COL5A1: variants seen among roughly 807,000 people sequenced by gnomAD.
The protein encoded by COL5A1 is collagen alpha-1(V) chain.
A neutral mutation model predicts 263.7 loss-of-function variants in COL5A1; 16 were observed. That is an observed-to-expected ratio of 0.06 (90% CI 0.04 to 0.09). The LOEUF is 0.09. Among genes scored for constraint, COL5A1 ranks in the 10% least tolerant of loss-of-function variants. The pLI, the probability that COL5A1 is intolerant of heterozygous loss-of-function variation, is 1.00. For missense variants in COL5A1, 2,036 were observed against 2,540.5 expected, an observed-to-expected ratio of 0.80 and a Z score of 4.27; for synonymous variants, 1,012 against 1,004.5, an observed-to-expected ratio of 1.01 and a Z score of -0.14.
At chr9:134,694,488 CA>C (rs1331633644) in intron 2 of COL5A1, among the ~76,000 whole-genome samples, 1 of 152,236 alleles carries the variant, frequency 6.6e-6, no homozygotes, top group Non-Finnish European at 1.5e-5. Context: ...CCACCCTCCT[CA>C]GGGGCACCGC....
At position 134,789,507 on chromosome 9, in the gene COL5A1, C is replaced by T. The variant is rs1053601825; in HGVS notation, c.2700+299C>T. On this transcript the variant is annotated intron_variant, in intron 32 of 65. Transcript: ENST00000371817. This position sits in a 1 kb window ranked among gnomAD's most constrained non-coding sequence, Gnocchi z 4.8. ...GGCTCTTTCAGGTCATTCTGAAAAT[C>T]AGATTCTTCTCCTCTACCCAAGTGG... 2.0e-5 allele frequency among the ~76,000 whole-genome samples: 3 copies of T among 152,336 alleles called. No homozygotes were observed. The highest frequency in any genetic ancestry group is 2.9e-5 in the Non-Finnish European group (2 of 68,020).
At position 134,727,199 on chromosome 9, in the gene COL5A1, G is replaced by C. The variant is rs2132632426; in HGVS notation, c.655-67G>C. On this transcript the variant is annotated intron_variant, in intron 4 of 65. Coordinates refer to ENST00000371817, the MANE Select transcript of COL5A1 (RefSeq NM_000093.5). ...TTCCCCTGCTTCAAGGCATGGGGCT[G>C]TGTCTCCCAGGTCCCCATGCGAGTG... 11 of 1,555,608 alleles carry C rather than the reference G, an allele frequency of 7.1e-6. No individual in the cohort carries two copies. The African/African-American group carries it at 9.5e-5, about 13-fold the overall frequency.
At chr9:134,788,583 G>A (rs1390546651) in intron 31 of COL5A1, among the ~76,000 whole-genome samples, 1 of 141,856 alleles carries the variant, frequency 7.0e-6, no homozygotes, top group Admixed American at 7.0e-5. Context: ...GTAGGTGGGT[G>A]GGTGGGTAGG....
chr9:134,800,303 C>T (rs1388959987), intron 37 of COL5A1, among the ~76,000 whole-genome samples: 3 of 152,188 alleles, frequency 2.0e-5, no homozygotes, highest in African/African-American at 7.2e-5. Flanking sequence ...AGCTCTTCTC[C>T]CCGGGTCCAC....
At chr9:134,772,696 C>G (rs139949887) in intron 25 of COL5A1, 94 bp from the exon 26 acceptor site, 1,183 of 1,288,622 alleles carry the variant, frequency 9.2e-4, no homozygotes, top group Non-Finnish European at 1.3e-3. Context: ...GGGAAATGGG[C>G]TCCATGATCA....
intron 4 of COL5A1, among the ~76,000 whole-genome samples, chr9:134,701,983 T>A (rs934846018): frequency 6.6e-6 from 1 of 152,062 alleles, no homozygotes; most frequent in Non-Finnish European, 1.5e-5. Context: ...AAGAAACAGG[T>A]TGAGAGCTTC....
At chr9:134,785,678 G>T (rs576783141) in intron 30 of COL5A1, among the ~76,000 whole-genome samples, 1 of 152,326 alleles carries the variant, frequency 6.6e-6, no homozygotes, top group East Asian at 1.9e-4. Context: ...GGGCTCAGAG[G>T]TGCCCCAGGA....
In COL5A1 at chr9:134,814,070, A is replaced by G. The variant is rs113940604; in HGVS notation, c.3906+34A>G. 3,350 of 1,548,258 alleles carry G rather than the reference A, an allele frequency of 2.2e-3. 54 individuals are homozygous for G. In the African/African-American group the frequency reaches 0.035, roughly 16 times the overall value. On this transcript the variant is annotated intron_variant, in intron 49 of 65. Coordinates refer to ENST00000371817, the MANE Select transcript of COL5A1 (RefSeq NM_000093.5). ...GCGGGCGCTGCGGGAGGGGTGGGAT[A>G]TGGCCGAGCGGGTGTGTGGACGGGG...
chr9:134,692,658 G>A (rs1233322505), intron 2 of COL5A1, among the ~76,000 whole-genome samples: 1 of 152,190 alleles, frequency 6.6e-6, no homozygotes, highest in Non-Finnish European at 1.5e-5. Flanking sequence ...AATCTTCTCT[G>A]TGTCACCCAA....
At chr9:134,669,759 C>G (rs1320358869) in intron 1 of COL5A1, among the ~76,000 whole-genome samples, 3 of 152,142 alleles carry the variant, frequency 2.0e-5, no homozygotes, top group Non-Finnish European at 4.4e-5. Context: ...AACCCTGGCT[C>G]TCCGCAGAGG....
At chr9:134,775,846 A>G (rs939080469) in intron 27 of COL5A1, among the ~76,000 whole-genome samples, 4 of 152,178 alleles carry the variant, frequency 2.6e-5, no homozygotes, top group Non-Finnish European at 4.4e-5. Flanking sequence ...GAAGGGCTTT[A>G]TGCTTTTCAA....
intron 18 of COL5A1, among the ~76,000 whole-genome samples, chr9:134,760,634 C>A (rs1214610005): frequency 1.6e-5 from 2 of 128,440 alleles, no homozygotes; most frequent in Non-Finnish European, 3.2e-5. Flanking sequence ...CACACACCCC[C>A]ACACTCATAC....
intron 65 of COL5A1, among the ~76,000 whole-genome samples, chr9:134,837,493 C>T (rs982669710): frequency 6.6e-6 from 1 of 152,026 alleles, no homozygotes; most frequent in African/African-American, 2.4e-5. Flanking sequence ...CATCCCAGTT[C>T]CTCTTGAAGC....
chr9:134,838,600 C>T (rs1259022778), intron 65 of COL5A1, among the ~76,000 whole-genome samples: 1 of 152,212 alleles, frequency 6.6e-6, no homozygotes, highest in Non-Finnish European at 1.5e-5. Context: ...CCCCCTTCCC[C>T]ATGGCAGGCG....
Position 134,814,827 on chromosome 9 carries a change from G to A in COL5A1, c.3937G>A (p.Glu1313Lys), listed in dbSNP as rs1838677806. ...CAAAGGAGAAAGGGGAGAGAAGGGC[G>A]AGTCAGGCCCTTCAGGTGCTGCCGG... ...GPKGERGEKGESGPSGAAGPP... is the reference protein window; with the variant it reads ...GPKGERGEKGKSGPSGAAGPP... The change falls in exon 50 of 66, where the codon GAG becomes AAG. Residue 1313 changes from glutamate to lysine, a missense_variant. Glu to Lys is a moderately conservative substitution (Grantham distance 56). Transcript: ENST00000371817. 1.9e-6 allele frequency: 3 copies of A among 1,552,128 alleles called. No individual in the cohort carries two copies. Among genetic ancestry groups the A allele is most frequent in the East Asian group, 4.9e-5 (2 of 40,984 alleles).
In COL5A1 at chr9:134,731,520, G is replaced by A. The variant is rs762108965; in HGVS notation, c.1189G>A (p.Ala397Thr). The A allele has an allele frequency of 7.3e-5, 118 of 1,614,110 alleles. No individual in the cohort carries two copies. The highest frequency in any genetic ancestry group is 4.9e-4 in the Middle Eastern group (3 of 6,084). Reference sequence around the variant, plus strand: ...GCCAGCTCCGCCTCCAGGGGAAGGTGCGGATGACTTGGAGGGGGAGTTCAC... The same window carrying A: ...GCCAGCTCCGCCTCCAGGGGAAGGTACGGATGACTTGGAGGGGGAGTTCAC... ...SNPAPPPGEG[A>T]DDLEGEFTEE... Residue 397 changes from alanine to threonine, a missense_variant, in exon 8 of 66, where the codon GCG (alanine) becomes ACG (threonine). Ala to Thr is a moderately conservative substitution (Grantham distance 58). Transcript: ENST00000371817.
chr9:134,816,096 T>TGATTCCTTTATGATATC lies in COL5A1; in HGVS notation c.4122+115_4122+131dup, dbSNP rs1838734497. The stretch of plus-strand genomic sequence containing the variant: ...GGAAAAACTCCAACCTAGTTGATAT[T>TGATTCCTTTATGATATC]GATTCCTTTATGATATCGATTCCCT... On this transcript the variant is annotated intron_variant, in intron 52 of 65. Transcript: ENST00000371817. 1.3e-5 allele frequency: 13 copies of TGATTCCTTTATGATATC among 983,252 alleles called. No individual in the cohort carries two copies. In the Admixed American group the frequency reaches 2.3e-4, roughly 17 times the overall value. 60.9% of individuals were successfully genotyped at this position (983,252 alleles called of 1,614,324 possible).
At chr9:134,697,232 T>C (rs1833512362) in intron 2 of COL5A1, among the ~76,000 whole-genome samples, 1 of 152,152 alleles carries the variant, frequency 6.6e-6, no homozygotes, top group African/African-American at 2.4e-5. Context: ...GCTCATGTCA[T>C]GACTCGAATG....
intron 1 of COL5A1, among the ~76,000 whole-genome samples, chr9:134,669,838 A>G (rs954910193): frequency 1.3e-5 from 2 of 152,266 alleles, no homozygotes; most frequent in African/African-American, 4.8e-5. Context: ...AGACAACTCC[A>G]TGGTGGGAAC....
Sources: allele counts gnomAD v4.1 joint callset (sites outside exome capture counted in the v4.1 genomes callset), GRCh38; gene constraint gnomAD v4.1.1; non-coding constraint Gnocchi (gnomAD v3.1); transcripts MANE v1.5; gene names NCBI Gene and HGNC (gene_info 2026-07-23, HGNC 2026-07-21).